The following NLGN4X variants were observed in gnomAD, a reference collection of about 807,000 sequenced individuals.
NLGN4X encodes the protein neuroligin 4 X-linked.
NLGN4X carries 3 observed loss-of-function variants against 40.3 expected under a neutral mutation model. That is an observed-to-expected ratio of 0.07 (90% confidence interval 0.03 to 0.19). The LOEUF (loss-of-function observed/expected upper bound fraction) is 0.19. NLGN4X is among the 10% of genes least tolerant of loss of function. NLGN4X has a pLI of 1.00. For synonymous variants in NLGN4X, 270 were observed against 306.8 expected, an observed-to-expected ratio of 0.88 and a Z score of 1.25; for missense variants, 382 against 708.3, an observed-to-expected ratio of 0.54 and a Z score of 5.23.
At chrX:6,082,977 T>TTTTTTTTTG (rs1569227473) in intron 2 of NLGN4X, among the ~76,000 whole-genome samples, 1 of 85,675 alleles carries the variant, frequency 1.2e-5, no homozygotes, top group African/African-American at 4.5e-5. Flanking sequence ...TTTTTTTTTT[T>TTTTTTTTTG]GAGACGGAGT....
chrX:6,095,163 G>T (rs1403859683), intron 2 of NLGN4X, among the ~76,000 whole-genome samples: 2 of 105,435 alleles, frequency 1.9e-5, no homozygotes, highest in Non-Finnish European at 3.9e-5. Flanking sequence ...TTATGGCAAT[G>T]TTGCTAAGTG....
intron 1 of NLGN4X, among the ~76,000 whole-genome samples, chrX:6,168,617 G>A (rs2040542165): frequency 9.0e-6 from 1 of 111,574 alleles, no homozygotes. Context: ...GGGACTACAG[G>A]GGTGTGCCAT....
chrX:6,108,069 T>C (rs140372821), intron 2 of NLGN4X, among the ~76,000 whole-genome samples: 2 of 112,221 alleles, frequency 1.8e-5, no homozygotes, highest in Non-Finnish European at 3.8e-5. Flanking sequence ...ATATTTGCAA[T>C]AAACAAGGGT....
At chrX:5,997,213 C>A (rs886448080) in intron 3 of NLGN4X, among the ~76,000 whole-genome samples, 1 of 105,770 alleles carries the variant, frequency 9.5e-6, no homozygotes, top group Admixed American at 1.0e-4. Flanking sequence ...GTATATATAT[C>A]TATATATATA....
At position 5,902,990 on chromosome X, in the gene NLGN4X, C is replaced by A; in HGVS notation, c.1601+87G>T. The stretch of plus-strand genomic sequence containing the variant: ...TATGTGTGTGTATGCGTGTGTGCTC[C>A]TGCACGTGGCAGTAGAAGCAACACC... On this transcript the variant is annotated intron_variant, in intron 5 of 5. Transcript: ENST00000381095. 5 of 1,063,186 alleles carry A rather than the reference C, an allele frequency of 4.7e-6. No homozygotes were observed. The South Asian group carries it at 9.4e-5, about 20-fold the overall frequency. The allele number at this position is 1,063,186 out of a possible 1,213,427, so 87.6% of individuals were successfully genotyped here.
intron 3 of NLGN4X, among the ~76,000 whole-genome samples, chrX:5,913,236 A>G (rs1262721189): frequency 9.0e-6 from 1 of 111,397 alleles, no homozygotes; most frequent in Non-Finnish European, 1.9e-5. Flanking sequence ...GCAAATTAAA[A>G]TTAATATTTT....
At chrX:6,174,862 A>G in intron 1 of NLGN4X, among the ~76,000 whole-genome samples, 1 of 111,098 alleles carries the variant, frequency 9.0e-6, no homozygotes, top group East Asian at 2.8e-4. Flanking sequence ...ATTGGGATCA[A>G]TTGTACCCTA....
chrX:6,047,388 G>A (rs1485126082), intron 2 of NLGN4X, among the ~76,000 whole-genome samples: 1 of 111,544 alleles, frequency 9.0e-6, no homozygotes, highest in Non-Finnish European at 1.9e-5. Context: ...TGAGGTGGGA[G>A]GATCACCTAA....
intron 3 of NLGN4X, among the ~76,000 whole-genome samples, chrX:5,925,923 T>TACATACAC (rs2033294508): frequency 1.6e-5 from 1 of 61,359 alleles, no homozygotes; most frequent in Non-Finnish European, 2.9e-5. Context: ...TATATATATA[T>TACATACAC]ATATATATAA....
chrX:5,931,250 T>C (rs190151587), intron 3 of NLGN4X, among the ~76,000 whole-genome samples: 2 of 112,137 alleles, frequency 1.8e-5, no homozygotes, highest in African/African-American at 6.5e-5. Context: ...ATTGTCATTA[T>C]GAATTACTTA....
chrX:5,967,928 T>C (rs1271209699), intron 3 of NLGN4X, among the ~76,000 whole-genome samples: 2 of 111,110 alleles, frequency 1.8e-5, no homozygotes, highest in Non-Finnish European at 3.8e-5. Flanking sequence ...TTTGAGCTCC[T>C]AGGGGTCCTC....
intron 3 of NLGN4X, among the ~76,000 whole-genome samples, chrX:5,972,206 T>C (rs143943218): frequency 1.8e-5 from 2 of 110,981 alleles, no homozygotes; most frequent in East Asian, 5.8e-4. Context: ...TGTGTGCATG[T>C]GTGTGGGTGT....
At chrX:6,133,551 T>C (rs2039734561) in intron 2 of NLGN4X, among the ~76,000 whole-genome samples, 2 of 112,140 alleles carry the variant, frequency 1.8e-5, no homozygotes, top group Non-Finnish European at 3.8e-5. Flanking sequence ...ATATGTGGAT[T>C]AAAAATATTT....
intron 3 of NLGN4X, among the ~76,000 whole-genome samples, chrX:5,976,347 C>T (rs1364396353): frequency 8.9e-6 from 1 of 111,990 alleles, no homozygotes; most frequent in Non-Finnish European, 1.9e-5. Context: ...AGGGAATCTT[C>T]CAGCAAAATG....
chrX:6,158,819 CTG>C (rs1324056165), intron 1 of NLGN4X, among the ~76,000 whole-genome samples: 9 of 112,111 alleles, frequency 8.0e-5, no homozygotes, highest in South Asian at 3.7e-4. Flanking sequence ...ACAGGCCCAA[CTG>C]TGTGTTGTTT....
At chrX:6,010,790 G>T (rs151129828) in intron 3 of NLGN4X, among the ~76,000 whole-genome samples, 304 of 110,657 alleles carry the variant, frequency 2.7e-3, no homozygotes, top group African/African-American at 9.6e-3. Flanking sequence ...GCCTCCCAAC[G>T]TGCTGGGATA....
At chrX:5,904,111 G>T (rs1024335849) in intron 4 of NLGN4X, among the ~76,000 whole-genome samples, 1 of 110,942 alleles carries the variant, frequency 9.0e-6, no homozygotes, top group Non-Finnish European at 1.9e-5. Flanking sequence ...TTAAGGAAAT[G>T]AAACCACATT....
chrX:6,193,353 G>T (rs1488103969), intron 1 of NLGN4X, among the ~76,000 whole-genome samples: 5 of 97,358 alleles, frequency 5.1e-5, no homozygotes, highest in Non-Finnish European at 1.0e-4. Context: ...AGCTTGCAGT[G>T]AGCGGAGATC....
At chrX:6,155,129 T>C (rs1335240869) in intron 1 of NLGN4X, among the ~76,000 whole-genome samples, 1 of 110,856 alleles carries the variant, frequency 9.0e-6, no homozygotes, top group Non-Finnish European at 1.9e-5. Flanking sequence ...ACAGGAAGCT[T>C]TGTAGATGCT....
Sources: allele counts gnomAD v4.1 joint callset (sites outside exome capture counted in the v4.1 genomes callset), GRCh38; gene constraint gnomAD v4.1.1; transcripts MANE v1.5; gene names NCBI Gene and HGNC (gene_info 2026-07-23, HGNC 2026-07-21).